PCLO: variants seen among roughly 807,000 people sequenced by gnomAD.
PCLO encodes protein piccolo.
A neutral mutation model predicts 427.5 loss-of-function variants in PCLO; 82 were observed. The ratio of observed to expected loss-of-function variants is 0.19; its 90% CI spans 0.16 to 0.23. The LOEUF is 0.23. Ranked by LOEUF, PCLO falls within the 10% of genes least tolerant of loss-of-function variation. PCLO has a pLI of 1.00. For synonymous variants in PCLO, 2,357 were observed against 2,155.4 expected (o/e 1.09, Z -2.59); for missense variants, 6,239 against 6,115.9 (o/e 1.02, Z -0.67).
Position 83,155,120 on chromosome 7 carries a change from T to C in PCLO, c.1521A>G (p.Thr507=). The C allele has an allele frequency of 2.0e-6, 3 of 1,538,348 alleles. No homozygotes were observed. The highest frequency in any genetic ancestry group is 2.6e-6 in the Non-Finnish European group (3 of 1,132,826). Residue 507 remains threonine, a synonymous_variant, in exon 2 of 25, where the codon ACA becomes ACG. Transcript: ENST00000333891. ...GGCCAGGCTGTTGAGGTGGGGGTTT[T>C]GTTGAGCCAGGCTGTTGAGATGGGG... The part of the protein sequence containing the change: ...AKPPSQQPGS[T]KPPPQQPGPA...
intron 10 of PCLO, among the ~76,000 whole-genome samples, chr7:82,856,151 T>G (rs1792800253): frequency 6.6e-6 from 1 of 152,078 alleles, no homozygotes; most frequent in Non-Finnish European, 1.5e-5. Flanking sequence ...CACTGGGAAG[T>G]TCCTCAAGGC....
At chr7:82,970,156 A>C (rs1795868519) in intron 3 of PCLO, among the ~76,000 whole-genome samples, 1 of 152,014 alleles carries the variant, frequency 6.6e-6, no homozygotes, top group Non-Finnish European at 1.5e-5. Flanking sequence ...GATTTGACCA[A>C]ATCTAGGTAA....
intron 3 of PCLO, among the ~76,000 whole-genome samples, chr7:83,025,324 C>T (rs1334850360): frequency 6.7e-6 from 1 of 150,350 alleles, no homozygotes; most frequent in African/African-American, 2.4e-5. Flanking sequence ...CCTCAGGAGC[C>T]GATGCGATCA....
chr7:83,000,381 A>C (rs373656165), intron 3 of PCLO, among the ~76,000 whole-genome samples: 14 of 151,936 alleles, frequency 9.2e-5, no homozygotes, highest in African/African-American at 3.1e-4. Context: ...GAACTTATCA[A>C]GTAAAAATTG....
At chr7:82,851,753 A>G (rs1792661153) in intron 10 of PCLO, among the ~76,000 whole-genome samples, 1 of 152,152 alleles carries the variant, frequency 6.6e-6, no homozygotes, top group Admixed American at 6.6e-5. Flanking sequence ...GGAGTCTTCT[A>G]TAAAGCGCTA....
intron 22 of PCLO, among the ~76,000 whole-genome samples, chr7:82,777,486 C>T (rs1790779276): frequency 6.6e-6 from 1 of 152,128 alleles, no homozygotes; most frequent in Non-Finnish European, 1.5e-5. Flanking sequence ...AGGCATTATG[C>T]TCCCCTACTT....
intron 3 of PCLO, among the ~76,000 whole-genome samples, chr7:83,040,389 TC>T (rs1369523900): frequency 6.6e-6 from 1 of 152,170 alleles, no homozygotes; most frequent in Non-Finnish European, 1.5e-5. Flanking sequence ...ACTTTCTCTT[TC>T]AACAGATTAC....
At chr7:82,933,372 A>C (rs529830163) in intron 6 of PCLO, among the ~76,000 whole-genome samples, 13 of 152,098 alleles carry the variant, frequency 8.5e-5, no homozygotes, top group Non-Finnish European at 1.5e-5. Flanking sequence ...GTTTTTTTTC[A>C]GTGAAAATTA....
chr7:83,026,424 A>T (rs1307392698), intron 3 of PCLO, among the ~76,000 whole-genome samples: 1 of 152,182 alleles, frequency 6.6e-6, no homozygotes, highest in Admixed American at 6.5e-5. Context: ...ATATATATGC[A>T]CCCAATACAG....
At chr7:83,105,483 G>A (rs1790830822) in intron 3 of PCLO, among the ~76,000 whole-genome samples, 1 of 149,714 alleles carries the variant, frequency 6.7e-6, no homozygotes, top group Non-Finnish European at 1.5e-5. Flanking sequence ...TTATAAGTGT[G>A]TAATGAGAAA....
chr7:82,820,298 A>G (rs1275522645), intron 20 of PCLO, among the ~76,000 whole-genome samples: 1 of 152,174 alleles, frequency 6.6e-6, no homozygotes, highest in Non-Finnish European at 1.5e-5. Flanking sequence ...ACAATTTTCC[A>G]TCTATCTTAT....
chr7:83,154,297 T>C (rs1275661005), intron 2 of PCLO, among the ~76,000 whole-genome samples: 2 of 152,222 alleles, frequency 1.3e-5, no homozygotes, highest in African/African-American at 2.4e-5. Context: ...ATGTGGAGAT[T>C]AAAAAACTAT....
chr7:82,867,493 A>G (rs1793125780), intron 10 of PCLO, among the ~76,000 whole-genome samples: 3 of 152,188 alleles, frequency 2.0e-5, no homozygotes, highest in South Asian at 4.1e-4. Context: ...TGGAGATACT[A>G]AAGCATTGGC....
chr7:83,082,208 A>G (rs1790120153), intron 3 of PCLO, among the ~76,000 whole-genome samples: 1 of 151,564 alleles, frequency 6.6e-6, no homozygotes, highest in Non-Finnish European at 1.5e-5. Flanking sequence ...TATGCAATAG[A>G]AAAAACACTA....
chr7:82,994,873 G>A lies in PCLO; in HGVS notation c.3301-28386C>T, dbSNP rs183114923. ...AAGTACAAAACCGATAGAATTTAAC[G>A]TTGGACTGAATGTGGATAGTGAGAA... On this transcript the variant is annotated intron_variant, in intron 3 of 24. Transcript: ENST00000333891. Among the ~76,000 whole-genome samples, 61 of 152,064 alleles carry A rather than the reference G, an allele frequency of 4.0e-4. 1 individual carries two copies. Among genetic ancestry groups the A allele is most frequent in the Middle Eastern group, 3.4e-3 (1 of 294 alleles).
At chr7:82,899,031 G>T (rs528241111) in intron 9 of PCLO, among the ~76,000 whole-genome samples, 5 of 151,394 alleles carry the variant, frequency 3.3e-5, no homozygotes, top group South Asian at 2.1e-4. Context: ...TGCTAAGACA[G>T]TTGTTATAAT....
chr7:83,156,425 G>A (rs1023565041), intron 1 of PCLO, 33 bp from the exon 2 acceptor site: 5 of 1,135,826 alleles, frequency 4.4e-6, no homozygotes, highest in Admixed American at 2.6e-5. Context: ...AAAAAATCAA[G>A]TGAAAATAAT....
chr7:82,906,893 G>T (rs939922927), intron 8 of PCLO, among the ~76,000 whole-genome samples: 1 of 151,866 alleles, frequency 6.6e-6, no homozygotes, highest in African/African-American at 2.4e-5. Context: ...CACCTAACAA[G>T]TATGTCTACG....
chr7:82,866,978 G>C (rs2115954710), intron 10 of PCLO, among the ~76,000 whole-genome samples: 1 of 152,236 alleles, frequency 6.6e-6, no homozygotes, highest in South Asian at 2.1e-4. Context: ...TAGTCATGGT[G>C]TTGGTTCTAA....
Sources: allele counts gnomAD v4.1 joint callset (sites outside exome capture counted in the v4.1 genomes callset), GRCh38; gene constraint gnomAD v4.1.1; transcripts MANE v1.5; gene names NCBI Gene and HGNC (gene_info 2026-07-23, HGNC 2026-07-21).